The following PRDM13 variants were observed in gnomAD, a reference collection of about 807,000 sequenced individuals.
PRDM13 encodes PR domain zinc finger protein 13.
Under a neutral mutation model 36.4 loss-of-function variants are expected in PRDM13, and 15 were observed. The ratio of observed to expected loss-of-function variants is 0.41; its 90% CI spans 0.28 to 0.64. PRDM13 has a LOEUF of 0.64. PRDM13 is among the 30% of genes least tolerant of loss of function. The pLI, the probability that PRDM13 is intolerant of heterozygous loss-of-function variation, is 0.29. For missense variants in PRDM13, 1,044 were observed against 1,013.5 expected, an observed-to-expected ratio of 1.03 and a Z score of -0.41; for synonymous variants, 531 against 467.7, an observed-to-expected ratio of 1.14 and a Z score of -1.75.
Position 99,613,594 on chromosome 6 carries a change from A to T in PRDM13, c.959A>T (p.Gln320Leu). Residue 320 changes from glutamine to leucine, a missense_variant, in exon 4 of 4, where the codon CAA becomes CTA. This residue lies in a region of PRDM13 where 921 missense variants were observed against 865.2 expected (regional missense o/e 1.06). Transcript: ENST00000369215. The surrounding 1 kb of genome is among the most constrained non-coding windows in gnomAD (Gnocchi z 6.1). ...DPYREESSSK[Q>L]GAGLALGRLL... ...TACCGGGAGGAGAGCAGCAGCAAGC[A>T]AGGAGCCGGCCTCGCTTTGGGCAGG... is the stretch of plus-strand genomic sequence containing the variant. 6.7e-7 allele frequency: 1 copy of T among 1,495,820 alleles called. No homozygotes were observed. Among genetic ancestry groups the T allele is most frequent in the Non-Finnish European group, 8.8e-7 (1 of 1,132,276 alleles). The allele number at this position is 1,495,820 out of a possible 1,614,324, so 92.7% of individuals were successfully genotyped here. A position where few individuals can be genotyped will look rare whatever the true frequency, so the allele number is the denominator to read the frequency against.
chr6:99,612,706 T>C (rs997989082), intron 3 of PRDM13, among the ~76,000 whole-genome samples: 3 of 152,224 alleles, frequency 2.0e-5, no homozygotes, highest in Admixed American at 6.5e-5. Context: ...AAGCAACAGC[T>C]GCTCTTTGCT....
intron 3 of PRDM13, among the ~76,000 whole-genome samples, chr6:99,610,266 C>G (rs563268303): frequency 6.6e-6 from 1 of 152,266 alleles, no homozygotes; most frequent in African/African-American, 2.4e-5. Flanking sequence ...TTAAACCTAC[C>G]CTTGAACACT....
chr6:99,608,738 C>G lies in PRDM13; in HGVS notation c.145-3C>G. 1 of 1,602,960 alleles carries G rather than the reference C, an allele frequency of 6.2e-7. No individual in the cohort carries two copies. Among genetic ancestry groups the G allele is most frequent in the Non-Finnish European group, 8.5e-7 (1 of 1,174,680 alleles). ...GGGAGAACGACCACTGCTTGTGTTG[C>G]AGGTGCGCATGGTGAGAGGGGAGCT... On this transcript the variant is annotated splice_region_variant and splice_polypyrimidine_tract_variant and intron_variant, in intron 1 of 3. Coordinates refer to ENST00000369215, the MANE Select transcript of PRDM13 (RefSeq NM_021620.4).
chr6:99,610,815 A>C (rs1040492142), intron 3 of PRDM13, among the ~76,000 whole-genome samples: 2 of 152,238 alleles, frequency 1.3e-5, no homozygotes, highest in African/African-American at 4.8e-5. Context: ...TACAGAGAAC[A>C]CCCTTTCTTA....
chr6:99,613,875 G>A lies in PRDM13; in HGVS notation c.1240G>A (p.Ala414Thr), dbSNP rs1770081843. Residue 414 changes from alanine (A) to threonine (T), a missense_variant, in exon 4 of 4, where the codon GCG becomes ACG. By Grantham distance (58) the Ala-to-Thr change is moderately conservative. Around this residue, in one of 3 missense-constraint regions of PRDM13, gnomAD observed 921 missense variants for 865.2 expected, o/e 1.06. Coordinates refer to ENST00000369215, the MANE Select transcript of PRDM13 (RefSeq NM_021620.4). This position sits in a 1 kb window ranked among gnomAD's most constrained non-coding sequence, Gnocchi z 6.1. The part of the protein sequence containing the change: ...HVERAPPAAA[A>T]LPGARYAQLP... ...GGAGCGCGCCCCGCCCGCAGCCGCCGCGCTGCCAGGAGCGCGTTATGCGCA... is the reference window on the plus strand; with the variant it reads ...GGAGCGCGCCCCGCCCGCAGCCGCCACGCTGCCAGGAGCGCGTTATGCGCA... The A allele has an allele frequency of 6.6e-7, 1 of 1,523,090 alleles. No individual in the cohort carries two copies. Among genetic ancestry groups the A allele is most frequent in the Non-Finnish European group, 8.7e-7 (1 of 1,143,226 alleles). The allele number at this position is 1,523,090 out of a possible 1,614,324, so 94.3% of individuals were successfully genotyped here. A position where few individuals can be genotyped will look rare whatever the true frequency, so the allele number is the denominator to read the frequency against.
At chr6:99,609,835 G>T (rs1034380386) in intron 3 of PRDM13, among the ~76,000 whole-genome samples, 6 of 152,028 alleles carry the variant, frequency 3.9e-5, no homozygotes, top group African/African-American at 9.7e-5. Context: ...CCAGTGAGCC[G>T]TAATGTTACC....
intron 3 of PRDM13, among the ~76,000 whole-genome samples, chr6:99,610,840 G>A (rs1770020135): frequency 6.6e-6 from 1 of 152,160 alleles, no homozygotes; most frequent in South Asian, 2.1e-4. Flanking sequence ...GTCCCAAATA[G>A]TACAAAAGCA....
chr6:99,607,985 C>T (rs984153126), intron 1 of PRDM13, among the ~76,000 whole-genome samples: 1 of 152,210 alleles, frequency 6.6e-6, no homozygotes, highest in African/African-American at 2.4e-5. Flanking sequence ...CGGCAAACAG[C>T]GACCGGGAAA....
Position 99,613,317 on chromosome 6 carries a change from A to G in PRDM13, c.682A>G (p.Lys228Glu). ...GGCCTGCGGTGCGCGGGAGGGCATC[A>G]AGCGCGAGGCCTCTTCCGCGCCCTC... ...VQACGAREGI[K>E]REASSAPSAT... Residue 228 changes from lysine to glutamate, a missense_variant, in exon 4 of 4, where the codon AAG (lysine) becomes GAG (glutamate). By Grantham distance (56) the Lys-to-Glu change is moderately conservative. Coordinates refer to ENST00000369215, the MANE Select transcript of PRDM13 (RefSeq NM_021620.4). This position sits in a 1 kb window ranked among gnomAD's most constrained non-coding sequence, Gnocchi z 6.1. 9.6e-6 allele frequency: 15 copies of G among 1,561,922 alleles called. No homozygotes were observed. Among genetic ancestry groups the G allele is most frequent in the Non-Finnish European group, 1.3e-5 (15 of 1,157,222 alleles).
chr6:99,608,811 G>A lies in PRDM13; in HGVS notation c.215G>A (p.Arg72Gln). 2 of 1,613,842 alleles carry A rather than the reference G, an allele frequency of 1.2e-6. No homozygotes were observed. Among genetic ancestry groups the A allele is most frequent in the Non-Finnish European group, 1.7e-6 (2 of 1,179,942 alleles). ...GSPLEWIGLIRAARNSQEQTL... is the reference protein window; with the variant it reads ...GSPLEWIGLIQAARNSQEQTL... ...CCTCTGGAGTGGATAGGGTTAATCC[G>A]GGCAGCCAGAAACTCCCAGGAACAG... Residue 72 changes from arginine to glutamine, a missense_variant, in exon 2 of 4, where the codon CGG (arginine) becomes CAG (glutamine). Coordinates refer to ENST00000369215, the MANE Select transcript of PRDM13 (RefSeq NM_021620.4).
At position 99,614,660 on chromosome 6, in the gene PRDM13, G is replaced by A; in HGVS notation, c.2025G>A (p.Glu675=). ...GTGCCGAGCCCGGCTATCCCCCGGAGCCTGGGGATCCCAAGAGCGACGACA... is the reference window on the plus strand; with the variant it reads ...GTGCCGAGCCCGGCTATCCCCCGGAACCTGGGGATCCCAAGAGCGACGACA... The part of the protein sequence containing the change: ...GPGAEPGYPP[E]PGDPKSDDSD... Residue 675 remains glutamate, a synonymous_variant, in exon 4 of 4, where the codon GAG becomes GAA. Coordinates refer to ENST00000369215, the MANE Select transcript of PRDM13 (RefSeq NM_021620.4). 1 of 1,612,238 alleles carries A rather than the reference G, an allele frequency of 6.2e-7. No individual in the cohort carries two copies. Among genetic ancestry groups the A allele is most frequent in the Non-Finnish European group, 8.5e-7 (1 of 1,179,704 alleles).
At position 99,613,748 on chromosome 6, in the gene PRDM13, C is replaced by CCCGCCGCCG. The variant is rs112674667; in HGVS notation, c.1125_1133dup (p.Pro376_Pro378dup). On this transcript the variant is annotated inframe_insertion, in exon 4 of 4. Coordinates refer to ENST00000369215, the MANE Select transcript of PRDM13 (RefSeq NM_021620.4). This position sits in a 1 kb window ranked among gnomAD's most constrained non-coding sequence, Gnocchi z 6.1. ...ATCCCAAGTGCCTGCTCGCTGGGGA[C>CCCGCCGCCG]CCGCCGCCGCCGCCGCCGCCTGGCC... 192 of 1,476,134 alleles carry CCCGCCGCCG rather than the reference C, an allele frequency of 1.3e-4. No individual in the cohort carries two copies. The highest frequency in any genetic ancestry group is 8.3e-4 in the East Asian group (29 of 34,886). The allele number at this position is 1,476,134 out of a possible 1,614,324, so 91.4% of individuals were successfully genotyped here.
rs754327448 is a variant in PRDM13, at chr6:99,613,529, C to T, written c.894C>T (p.Ala298=). ...GCGTGCGCTCAGCTTTCAAGCCCGC[C>T]GGCCTAGCGAGGGCGGCGGCGGCCG... ...YPGVRSAFKP[A]GLARAAAAAH... is the part of the protein sequence containing the mutation. The change falls in exon 4 of 4, where the codon GCC becomes GCT. Residue 298 remains alanine (A), a synonymous_variant. Coordinates refer to ENST00000369215, the MANE Select transcript of PRDM13 (RefSeq NM_021620.4). The surrounding 1 kb of genome is among the most constrained non-coding windows in gnomAD (Gnocchi z 6.1). The T allele has an allele frequency of 6.7e-6, 10 of 1,497,644 alleles. No homozygotes were observed. Among genetic ancestry groups the T allele is most frequent in the Middle Eastern group, 1.9e-4 (1 of 5,402 alleles). The allele number at this position is 1,497,644 out of a possible 1,614,324, so 92.8% of individuals were successfully genotyped here.
rs772129112 is a variant in PRDM13, at chr6:99,614,427, T to C, written c.1792T>C (p.Tyr598His). Residue 598 changes from tyrosine (Y) to histidine (H), a missense_variant, in exon 4 of 4, where the codon TAC (tyrosine) becomes CAC (histidine). By Grantham distance (83) the Tyr-to-His change is moderately conservative (BLOSUM62 2). Coordinates refer to ENST00000369215, the MANE Select transcript of PRDM13 (RefSeq NM_021620.4). ...GATCCACATGCGGACGCACACGGGC[T>C]ACAAGCCACTCAAGTGCAAAGTCTG... is the stretch of plus-strand genomic sequence containing the variant. Reference protein sequence around the residue: ...LKIHMRTHTGYKPLKCKVCLR... With the variant: ...LKIHMRTHTGHKPLKCKVCLR... The C allele has an allele frequency of 4.3e-6, 7 of 1,613,356 alleles. No individual in the cohort carries two copies. The highest frequency in any genetic ancestry group is 5.9e-6 in the Non-Finnish European group (7 of 1,180,012).
intron 2 of PRDM13, 37 bp downstream of exon 2, chr6:99,608,909 A>G: frequency 3.8e-6 from 6 of 1,592,076 alleles, no homozygotes; most frequent in Non-Finnish European, 5.1e-6. Flanking sequence ...CCCACTCCCC[A>G]CCGCCAATTC....
In PRDM13 at chr6:99,607,102, G is replaced by T. The variant is rs757778533; in HGVS notation, c.68G>T (p.Arg23Leu). The change falls in exon 1 of 4, where the codon CGC becomes CTC. Residue 23 changes from arginine to leucine, a missense_variant. This residue lies in a region of PRDM13 where 921 missense variants were observed against 865.2 expected (regional missense o/e 1.06). Coordinates refer to ENST00000369215, the MANE Select transcript of PRDM13 (RefSeq NM_021620.4). Reference protein sequence around the residue: ...SADCCIPAGLRLGPVPGTFKL... With the variant: ...SADCCIPAGLLLGPVPGTFKL... ...GACTGCTGCATCCCGGCCGGCTTGCGCCTCGGACCGGTGCCTGGTACCTTC... is the reference window on the plus strand; with the variant it reads ...GACTGCTGCATCCCGGCCGGCTTGCTCCTCGGACCGGTGCCTGGTACCTTC... 1.4e-5 allele frequency: 22 copies of T among 1,613,570 alleles called. No individual in the cohort carries two copies. The South Asian group carries it at 2.0e-4, about 14-fold the overall frequency.
intron 1 of PRDM13, among the ~76,000 whole-genome samples, chr6:99,608,216 C>T (rs1293492990): frequency 4.6e-5 from 7 of 152,222 alleles, no homozygotes; most frequent in African/African-American, 1.4e-4. Flanking sequence ...GGCCTGCCAG[C>T]TGCGGGCAAG....
Position 99,613,750 on chromosome 6 carries a change from CG to C in PRDM13, c.1116del (p.Pro373ArgfsTer118). On this transcript the variant is annotated frameshift_variant, in exon 4 of 4. Coordinates refer to ENST00000369215, the MANE Select transcript of PRDM13 (RefSeq NM_021620.4). LOFTEE classifies it high-confidence loss of function. The surrounding 1 kb of genome is among the most constrained non-coding windows in gnomAD (Gnocchi z 6.1). ...HHPKCLLAGD[P>X]PPPPPPGLPC... ...CCCAAGTGCCTGCTCGCTGGGGACC[CG>C]CCGCCGCCGCCGCCGCCTGGCCTGC... 1 of 911,100 alleles carries C rather than the reference CG, an allele frequency of 1.1e-6. No homozygotes were observed. Among genetic ancestry groups the C allele is most frequent in the Non-Finnish European group, 1.5e-6 (1 of 687,858 alleles). 56.4% of individuals were successfully genotyped at this position (911,100 alleles called of 1,614,324 possible). A position where few individuals can be genotyped will look rare whatever the true frequency, so the allele number is the denominator to read the frequency against.
chr6:99,607,309 G>T, intron 1 of PRDM13, 131 bp downstream of exon 1: 1 of 1,331,612 alleles, frequency 7.5e-7, no homozygotes, highest in Non-Finnish European at 1.0e-6. Context: ...GGTGGAAGGG[G>T]ACTCCTATTA....
Sources: gnomAD v4.1 joint callset for allele counts (sites outside exome capture counted in the v4.1 genomes callset) on GRCh38, gnomAD v4.1.1 for gene constraint, gnomAD v4.1.1 regional missense constraint, Gnocchi (gnomAD v3.1) non-coding constraint, MANE v1.5 for transcripts, NCBI Gene and HGNC (gene_info 2026-07-23, HGNC 2026-07-21) for gene names.